The following LRP8 variants were observed in gnomAD, a reference collection of about 807,000 sequenced individuals.
LRP8 encodes the protein LDL receptor related protein 8, also known as low-density lipoprotein receptor-related protein 8.
In LRP8, 46 loss-of-function variants were observed where a neutral mutation model predicts 111.6. The observed-to-expected ratio is 0.41, with a 90% CI of 0.33 to 0.53. The LOEUF (loss-of-function observed/expected upper bound fraction) is 0.53, where lower values mean the gene tolerates loss of function less well. Ranked by LOEUF, LRP8 falls within the 20% of genes least tolerant of loss-of-function variation. The probability of loss-of-function intolerance (pLI) is 0.20; values close to 1 mark genes in which losing one functional copy is unlikely to be tolerated. For missense variants in LRP8, 959 were observed against 1,297.4 expected (o/e 0.74, Z 4.01); for synonymous variants, 464 against 511.2 (o/e 0.91, Z 1.24).
chr1:53,297,018 T>C (rs1649855528), intron 2 of LRP8, among the ~76,000 whole-genome samples: 1 of 151,198 alleles, frequency 6.6e-6, no homozygotes. Context: ...CCAGCAGCAC[T>C]GGATTCAAAT....
chr1:53,268,305 C>T (rs564123901), intron 8 of LRP8: 1 of 152,312 alleles, frequency 6.6e-6, no homozygotes, highest in African/African-American at 2.4e-5. Context: ...CAGGAACCCC[C>T]TGTGTTTATG....
chr1:53,276,494 A>G (rs916186325), intron 5 of LRP8, among the ~76,000 whole-genome samples, 198 bp downstream of exon 5: 1 of 152,138 alleles, frequency 6.6e-6, no homozygotes, highest in Non-Finnish European at 1.5e-5. Context: ...TTCTGGAGTT[A>G]GACCTGAGCT....
intron 16 of LRP8, among the ~76,000 whole-genome samples, chr1:53,252,041 C>CAA (rs776015082): frequency 7.8e-4 from 42 of 53,674 alleles, no homozygotes; most frequent in African/African-American, 2.2e-3. Flanking sequence ...GACCTTGTCT[C>CAA]AAAAAAAAAA....
intron 1 of LRP8, 191 bp from the exon 2 acceptor site, chr1:53,327,183 G>A: frequency 1.4e-6 from 1 of 721,036 alleles, no homozygotes; most frequent in Non-Finnish European, 2.2e-6. Flanking sequence ...CGGGCCGCTC[G>A]GTGGCACGGC....
Position 53,249,394 on chromosome 1 carries a change from C to A in LRP8, c.2839G>T (p.Val947Phe). Reference sequence around the variant, plus strand: ...CACTGCCCTACCTTGGATTTGACGACAGGCAGCTCGGAAAGAGGGTTCTTC... The same window carrying A: ...CACTGCCCTACCTTGGATTTGACGAAAGGCAGCTCGGAAAGAGGGTTCTTC... Reference protein sequence around the residue: ...LPKNPLSELPVVKSKRVALSL... With the variant: ...LPKNPLSELPFVKSKRVALSL... The change falls in exon 18 of 19, where the codon GTC becomes TTC. Residue 947 changes from valine to phenylalanine, a missense_variant. Transcript: ENST00000306052. The surrounding 1 kb of genome is among the most constrained non-coding windows in gnomAD (Gnocchi z 4.1). The A allele has an allele frequency of 4.3e-6, 7 of 1,614,068 alleles. No individual in the cohort carries two copies. The highest frequency in any genetic ancestry group is 5.9e-6 in the Non-Finnish European group (7 of 1,179,936).
Position 53,327,946 on chromosome 1 carries a change from G to T in LRP8, c.-34C>A, listed in dbSNP as rs1204072769. Reference sequence around the variant, plus strand: ...CGGGGCTCCGGCCGCCGCGCCCCGCGCTCCCCGCGCCGCCGCCGCCGCGTC... The same window carrying T: ...CGGGGCTCCGGCCGCCGCGCCCCGCTCTCCCCGCGCCGCCGCCGCCGCGTC... On this transcript the variant is annotated 5_prime_UTR_variant, in exon 1 of 19. Transcript: ENST00000306052. 9.8e-6 allele frequency: 11 copies of T among 1,118,466 alleles called. No homozygotes were observed. In the East Asian group the frequency reaches 4.8e-4, roughly 49 times the overall value. 69.3% of individuals were successfully genotyped at this position (1,118,466 alleles called of 1,614,324 possible).
In LRP8 at chr1:53,271,342, C is replaced by T. The variant is rs769819834; in HGVS notation, c.1011G>A (p.Leu337=). The T allele has an allele frequency of 5.0e-5, 80 of 1,613,918 alleles. No homozygotes were observed. Among genetic ancestry groups the T allele is most frequent in the Admixed American group, 2.7e-4 (16 of 59,992 alleles). ...CGCCATTGTTGTGCAGACACTCGTT[C>T]AGCCCTGGGGAGGGACATGGGCTCC... The part of the protein sequence containing the change: ...GSDEAGCLQG[L]NECLHNNGGC... Residue 337 remains leucine (L), a synonymous_variant, in exon 7 of 19, where the codon CTG becomes CTA. Transcript: ENST00000306052.
chr1:53,289,953 C>T (rs1648352916), intron 2 of LRP8, among the ~76,000 whole-genome samples: 1 of 152,208 alleles, frequency 6.6e-6, no homozygotes, highest in Non-Finnish European at 1.5e-5. Flanking sequence ...TCCTGCTTCC[C>T]CTCAATGTCT....
At chr1:53,265,944 C>T (rs372475163) in intron 9 of LRP8, among the ~76,000 whole-genome samples, 2 of 152,206 alleles carry the variant, frequency 1.3e-5, no homozygotes, top group Admixed American at 6.5e-5. Flanking sequence ...CTGACTGTGG[C>T]GTCAAAGACA....
In LRP8 at chr1:53,271,439, G is replaced by A. The variant is rs558309899; in HGVS notation, c.1007-93C>T. The A allele has an allele frequency of 1.2e-5, 18 of 1,447,510 alleles. No individual in the cohort carries two copies. The South Asian group carries it at 1.9e-4, about 15-fold the overall frequency. 89.7% of individuals were successfully genotyped at this position (1,447,510 alleles called of 1,614,324 possible). A position where few individuals can be genotyped will look rare whatever the true frequency, so the allele number is the denominator to read the frequency against. ...ACCTAGAGCAGAAGCAGAGCCTCAG[G>A]GCAGTGGGACTCCCATAGAGGCAGG... On this transcript the variant is annotated intron_variant, in intron 6 of 18. Coordinates refer to ENST00000306052, the MANE Select transcript of LRP8 (RefSeq NM_004631.5).
At chr1:53,272,678 G>C in intron 6 of LRP8, 1 of 1,289,424 alleles carries the variant, frequency 7.8e-7, no homozygotes, top group South Asian at 1.2e-5. Context: ...CCATGACTGG[G>C]GGACCCAGGG....
intron 4 of LRP8, 56 bp from the exon 5 acceptor site, chr1:53,277,134 GC>G: frequency 1.4e-6 from 2 of 1,393,692 alleles, no homozygotes; most frequent in East Asian, 3.1e-5. Context: ...CCGACCTGGG[GC>G]CCCGCTGGTC....
chr1:53,290,475 A>T (rs1648509784), intron 2 of LRP8, among the ~76,000 whole-genome samples: 1 of 152,206 alleles, frequency 6.6e-6, no homozygotes, highest in African/African-American at 2.4e-5. Context: ...ATGCTGGAGA[A>T]GTGGCAGCTA....
chr1:53,290,386 G>C (rs1170369909), intron 2 of LRP8, among the ~76,000 whole-genome samples: 1 of 152,198 alleles, frequency 6.6e-6, no homozygotes, highest in African/African-American at 2.4e-5. Context: ...ATAGGGAGAA[G>C]AAGACAAAAG....
chr1:53,319,605 G>A lies in LRP8; in HGVS notation c.244+7268C>T, dbSNP rs190468547. On this transcript the variant is annotated intron_variant, in intron 2 of 18. Coordinates refer to ENST00000306052, the MANE Select transcript of LRP8 (RefSeq NM_004631.5). ...CCACCAGAGACAAAGAGGTCAGAGC[G>A]GGTACAGTCAGTGAGGAACTCGGTC... is the stretch of plus-strand genomic sequence containing the variant. 1.6e-4 allele frequency among the ~76,000 whole-genome samples: 24 copies of A among 152,316 alleles called. No homozygotes were observed. The East Asian group carries it at 3.7e-3, about 23-fold the overall frequency.
chr1:53,295,221 A>T (rs1649477249), intron 2 of LRP8, among the ~76,000 whole-genome samples: 1 of 152,192 alleles, frequency 6.6e-6, no homozygotes. Context: ...AAGGAAGAGG[A>T]GTCAGCCAAG....
chr1:53,314,791 G>T (rs1470920078), intron 2 of LRP8, among the ~76,000 whole-genome samples: 1 of 152,192 alleles, frequency 6.6e-6, no homozygotes, highest in Non-Finnish European at 1.5e-5. Flanking sequence ...TGAAGATGCT[G>T]CCCACAGCTC....
At chr1:53,259,221 C>G (rs1356901495) in intron 13 of LRP8, among the ~76,000 whole-genome samples, 1 of 152,214 alleles carries the variant, frequency 6.6e-6, no homozygotes, top group Non-Finnish European at 1.5e-5. Context: ...AAGAAATCCT[C>G]CCACCTCGGC....
intron 3 of LRP8, among the ~76,000 whole-genome samples, chr1:53,284,573 C>G (rs1420901387): frequency 1.3e-5 from 2 of 152,198 alleles, no homozygotes; most frequent in African/African-American, 4.8e-5. Context: ...CAGGGTGGAC[C>G]TCCAGGTTCT....
Sources: allele counts gnomAD v4.1 joint callset (sites outside exome capture counted in the v4.1 genomes callset), GRCh38; gene constraint gnomAD v4.1.1; non-coding constraint Gnocchi (gnomAD v3.1); transcripts MANE v1.5; gene names NCBI Gene and HGNC (gene_info 2026-07-23, HGNC 2026-07-21).